The following ATP9B variants were observed in gnomAD, a reference collection of about 807,000 sequenced individuals.
ATP9B encodes the protein ATPase phospholipid transporting 9B.
ATP9B carries 110 observed loss-of-function variants against 146.1 expected under a neutral mutation model. The observed-to-expected ratio is 0.75, with a 90% CI of 0.65 to 0.88. ATP9B has a LOEUF of 0.88. ATP9B is among the 40% of genes least tolerant of loss of function. The pLI, the probability that ATP9B is intolerant of heterozygous loss-of-function variation, is 0.00. For synonymous variants in ATP9B, 604 were observed against 569.7 expected (o/e 1.06, Z -0.86); for missense variants, 1,499 against 1,496.4 (o/e 1.00, Z -0.03).
intron 8 of ATP9B, among the ~76,000 whole-genome samples, chr18:79,190,049 A>T (rs2148109104): frequency 1.3e-5 from 2 of 152,310 alleles, no homozygotes; most frequent in Admixed American, 1.3e-4. Flanking sequence ...CCGCAGCAGC[A>T]GCAGGAGGGG....
At chr18:79,090,782 T>A (rs905387528) in intron 1 of ATP9B, among the ~76,000 whole-genome samples, 2 of 152,182 alleles carry the variant, frequency 1.3e-5, no homozygotes, top group Non-Finnish European at 2.9e-5. Context: ...ACTTTTTAAC[T>A]TGATGCTATC....
intron 5 of ATP9B, among the ~76,000 whole-genome samples, chr18:79,138,332 A>G (rs1214123292): frequency 6.6e-6 from 1 of 152,182 alleles, no homozygotes; most frequent in Non-Finnish European, 1.5e-5. Context: ...ACAGTTTTAC[A>G]TGAGAAAGCT....
chr18:79,073,960 G>GT (rs2072294958), intron 1 of ATP9B, among the ~76,000 whole-genome samples: 1 of 152,108 alleles, frequency 6.6e-6, no homozygotes, highest in Admixed American at 6.6e-5. Context: ...TTGACAGATG[G>GT]TTTTCGATTG....
chr18:79,132,870 A>G (rs761604593), intron 5 of ATP9B, among the ~76,000 whole-genome samples: 14 of 152,216 alleles, frequency 9.2e-5, no homozygotes, highest in Non-Finnish European at 2.1e-4. Context: ...TTTGAAAAGG[A>G]AAGCCACTTA....
In ATP9B at chr18:79,211,000, A is replaced by G. The variant is rs530550216; in HGVS notation, c.1031-2962A>G. On this transcript the variant is annotated intron_variant, in intron 10 of 29. Coordinates refer to ENST00000426216, the MANE Select transcript of ATP9B (RefSeq NM_198531.5). ...TAGGTTTTATATTTTGTGTTTTTAA[A>G]TAATTTTCTATGAATCATCTTAATT... Among the ~76,000 whole-genome samples the G allele has an allele frequency of 1.2e-4, 18 of 152,320 alleles. No homozygotes were observed. In the South Asian group the frequency reaches 3.7e-3, roughly 32 times the overall value.
intron 7 of ATP9B, among the ~76,000 whole-genome samples, chr18:79,159,156 T>C (rs2094839660): frequency 6.6e-6 from 1 of 152,248 alleles, no homozygotes; most frequent in South Asian, 2.1e-4. Flanking sequence ...AGTGTGTGTC[T>C]TGTAGACAGC....
At position 79,337,537 on chromosome 18, in the gene ATP9B, T is replaced by C; in HGVS notation, c.2283+88T>C. On this transcript the variant is annotated intron_variant, in intron 19 of 29. Coordinates refer to ENST00000426216, the MANE Select transcript of ATP9B (RefSeq NM_198531.5). ...TGGGCATGGTGATTTGTGAAACTCC[T>C]GTGGGGTCATGGATGTGAGAGAGCT... 1.3e-5 allele frequency: 20 copies of C among 1,507,380 alleles called. No individual in the cohort carries two copies. In the South Asian group the frequency reaches 2.4e-4, roughly 18 times the overall value. The allele number at this position is 1,507,380 out of a possible 1,614,324, so 93.4% of individuals were successfully genotyped here.
chr18:79,147,609 A>G (rs1255398891), intron 6 of ATP9B, among the ~76,000 whole-genome samples: 2 of 152,170 alleles, frequency 1.3e-5, no homozygotes, highest in Non-Finnish European at 1.5e-5. Context: ...TCAAGGAAAC[A>G]ATACATACAG....
intron 11 of ATP9B, among the ~76,000 whole-genome samples, chr18:79,216,681 C>T (rs2095629944): frequency 6.6e-6 from 1 of 152,092 alleles, no homozygotes; most frequent in Non-Finnish European, 1.5e-5. Flanking sequence ...GTGGGCATTC[C>T]TTCTCTCCCT....
chr18:79,252,223 T>C (rs2096031934), intron 11 of ATP9B, among the ~76,000 whole-genome samples: 1 of 152,192 alleles, frequency 6.6e-6, no homozygotes, highest in African/African-American at 2.4e-5. Context: ...TGCCATGCGC[T>C]CCCTCTTCGC....
At chr18:79,205,835 G>A (rs745642530) in intron 9 of ATP9B, among the ~76,000 whole-genome samples, 4 of 152,094 alleles carry the variant, frequency 2.6e-5, no homozygotes, top group Non-Finnish European at 4.4e-5. Flanking sequence ...TATTGCTGTC[G>A]TGATACTGAT....
intron 1 of ATP9B, among the ~76,000 whole-genome samples, chr18:79,076,213 C>T (rs2072596370): frequency 6.6e-6 from 1 of 152,198 alleles, no homozygotes; most frequent in Non-Finnish European, 1.5e-5. Context: ...ATTCAAGAGG[C>T]AAAGGAAAGC....
chr18:79,101,756 G>A (rs999928348), intron 2 of ATP9B, among the ~76,000 whole-genome samples: 3 of 152,098 alleles, frequency 2.0e-5, no homozygotes, highest in African/African-American at 7.2e-5. Flanking sequence ...TTTTCTTAAT[G>A]CTAGGGAGGT....
chr18:79,146,867 T>G (rs1403163890), intron 6 of ATP9B: 1 of 152,316 alleles, frequency 6.6e-6, no homozygotes, highest in African/African-American at 2.4e-5. Context: ...TGAAAACAAA[T>G]AATAAAATGC....
intron 5 of ATP9B, among the ~76,000 whole-genome samples, chr18:79,140,115 C>T (rs1336139727): frequency 6.6e-6 from 1 of 152,054 alleles, no homozygotes; most frequent in Admixed American, 6.5e-5. Context: ...GTCATTAAGT[C>T]TGGGAAGGGA....
intron 6 of ATP9B, among the ~76,000 whole-genome samples, chr18:79,153,424 G>C (rs1168296514): frequency 1.3e-5 from 2 of 152,138 alleles, no homozygotes; most frequent in Non-Finnish European, 2.9e-5. Context: ...GGTTTTGCTT[G>C]TTGGCTTGTT....
At position 79,190,612 on chromosome 18, in the gene ATP9B, C is replaced by T. The variant is rs9966584; in HGVS notation, c.874-2571C>T. On this transcript the variant is annotated intron_variant, in intron 8 of 29. Coordinates refer to ENST00000426216, the MANE Select transcript of ATP9B (RefSeq NM_198531.5). ...AGGCTGGAGTGCAGTGGTGCGATCT[C>T]GGCTCACTGCAACCTCTGCCTCCCG... Among the ~76,000 whole-genome samples the T allele has an allele frequency of 8.6e-3, 1,312 of 152,070 alleles. 22 individuals are homozygous for T. Among genetic ancestry groups the T allele is most frequent in the African/African-American group, 0.03 (1,247 of 41,452 alleles).
In ATP9B at chr18:79,092,651, T is replaced by G. The variant is rs1338037178; in HGVS notation, c.120-3825T>G. Among the ~76,000 whole-genome samples the G allele has an allele frequency of 6.0e-5, 9 of 150,836 alleles. No individual in the cohort carries two copies. In the East Asian group the frequency reaches 1.7e-3, roughly 29 times the overall value. The stretch of plus-strand genomic sequence containing the variant: ...TATTTTTACTTAAACTTTTTTTTTT[T>G]TTTTTTTTGGTTAAAAACGGAAACA... On this transcript the variant is annotated intron_variant, in intron 1 of 29. Transcript: ENST00000426216.
chr18:79,174,618 G>A (rs2095132427), intron 7 of ATP9B, among the ~76,000 whole-genome samples: 1 of 152,042 alleles, frequency 6.6e-6, no homozygotes, highest in African/African-American at 2.4e-5. Flanking sequence ...CAGGGTTATT[G>A]GACATAGAGA....
Sources: allele counts gnomAD v4.1 joint callset (sites outside exome capture counted in the v4.1 genomes callset), GRCh38; gene constraint gnomAD v4.1.1; transcripts MANE v1.5; gene names NCBI Gene and HGNC (gene_info 2026-07-23, HGNC 2026-07-21).